Variants in USP32 observed in about 807,000 individuals in gnomAD.
USP32 encodes ubiquitin specific peptidase 32.
Under a neutral mutation model 204.8 loss-of-function variants are expected in USP32, and 59 were observed. That is an observed-to-expected ratio of 0.29 (90% CI 0.23 to 0.36). USP32 has a LOEUF of 0.36. Ranked by LOEUF, USP32 falls within the 10% of genes least tolerant of loss-of-function variation. USP32 has a pLI of 1.00. For missense variants in USP32, 1,160 were observed against 1,946.4 expected, an observed-to-expected ratio of 0.60 and a Z score of 7.60; for synonymous variants, 517 against 678.4, an observed-to-expected ratio of 0.76 and a Z score of 3.70.
intron 5 of USP32, among the ~76,000 whole-genome samples, chr17:60,287,648 G>C (rs2087150833): frequency 6.6e-6 from 1 of 152,160 alleles, no homozygotes; most frequent in Admixed American, 6.5e-5. Flanking sequence ...CTTGATTTCA[G>C]CTGCTAAAAC....
chr17:60,377,116 G>A (rs2089560507), intron 1 of USP32, among the ~76,000 whole-genome samples: 1 of 151,964 alleles, frequency 6.6e-6, no homozygotes, highest in Non-Finnish European at 1.5e-5. Context: ...CTATATATAT[G>A]CCCATTAAGA....
chr17:60,262,127 A>G lies in USP32; in HGVS notation c.990+3285T>C, dbSNP rs952953590. ...GGACTACTGCTAAGCAAGGTATCATATGAACTTTTTCTAAAGCAAATTCAC... is the reference window on the plus strand; with the variant it reads ...GGACTACTGCTAAGCAAGGTATCATGTGAACTTTTTCTAAAGCAAATTCAC... On this transcript the variant is annotated intron_variant, in intron 9 of 33. Transcript: ENST00000300896. 1.3e-4 allele frequency among the ~76,000 whole-genome samples: 20 copies of G among 152,322 alleles called. 1 individual carries two copies. Among genetic ancestry groups the G allele is most frequent in the African/African-American group, 4.8e-4 (20 of 41,584 alleles).
intron 2 of USP32, among the ~76,000 whole-genome samples, chr17:60,330,990 T>C (rs1445966920): frequency 6.6e-6 from 1 of 152,198 alleles, no homozygotes; most frequent in Non-Finnish European, 1.5e-5. Context: ...AAGCTAGTCA[T>C]ATACCTAAAT....
chr17:60,276,460 C>T (rs1231802350), intron 5 of USP32, among the ~76,000 whole-genome samples: 1 of 152,108 alleles, frequency 6.6e-6, no homozygotes, highest in Non-Finnish European at 1.5e-5. Flanking sequence ...TTTCATTCCT[C>T]CAGAGAAACA....
At chr17:60,226,601 A>G (rs1258687004) in intron 12 of USP32, among the ~76,000 whole-genome samples, 3 of 152,186 alleles carry the variant, frequency 2.0e-5, no homozygotes, top group Non-Finnish European at 2.9e-5. Context: ...TAAAGATTAC[A>G]TGGTCAATGT....
intron 2 of USP32, among the ~76,000 whole-genome samples, chr17:60,316,598 TG>T: frequency 6.6e-6 from 1 of 152,192 alleles, no homozygotes. Flanking sequence ...CTCAACACTT[TG>T]GGAGGCTGAG....
At chr17:60,384,840 G>C (rs2089702400) in intron 1 of USP32, among the ~76,000 whole-genome samples, 1 of 152,070 alleles carries the variant, frequency 6.6e-6, no homozygotes. Context: ...GGGCGTGGTG[G>C]CTCACGCCTG....
intron 2 of USP32, among the ~76,000 whole-genome samples, chr17:60,317,415 C>G (rs541073191): frequency 6.6e-6 from 1 of 150,672 alleles, no homozygotes; most frequent in East Asian, 2.0e-4. Flanking sequence ...ACTCGGGAGG[C>G]TGAGCTGGGA....
intron 11 of USP32, among the ~76,000 whole-genome samples, chr17:60,244,109 C>A: frequency 7.1e-6 from 1 of 140,910 alleles, no homozygotes; most frequent in South Asian, 2.3e-4. Flanking sequence ...GATCTCGGCT[C>A]ACTGCAAGCC....
intron 5 of USP32, among the ~76,000 whole-genome samples, chr17:60,280,503 G>A (rs1004916664): frequency 6.6e-6 from 1 of 152,192 alleles, no homozygotes; most frequent in African/African-American, 2.4e-5. Context: ...ACGTGGCAGT[G>A]TGTTCAACTT....
At chr17:60,301,559 T>C (rs1354648882) in intron 3 of USP32, 40 bp downstream of exon 3, 3 of 1,290,946 alleles carry the variant, frequency 2.3e-6, no homozygotes, top group South Asian at 2.7e-5. Context: ...AATTATTCTG[T>C]ACATAGACGA....
intron 12 of USP32, 54 bp downstream of exon 12, chr17:60,236,084 C>T (rs2145636236): frequency 1.4e-6 from 2 of 1,425,396 alleles, no homozygotes; most frequent in Non-Finnish European, 2.0e-6. Flanking sequence ...GGCTGGAAGT[C>T]TCACGCAGCT....
chr17:60,301,629 T>G lies in USP32; in HGVS notation c.262A>C (p.Thr88Pro). The G allele has an allele frequency of 6.3e-7, 1 of 1,594,384 alleles. No individual in the cohort carries two copies. Among genetic ancestry groups the G allele is most frequent in the Non-Finnish European group, 8.5e-7 (1 of 1,175,172 alleles). The change falls in exon 3 of 34, where the codon ACA (threonine) becomes CCA (proline). Residue 88 changes from threonine to proline, a missense_variant. Transcript: ENST00000300896. ...GCTTTCTCTTCATCTTTGCCTCTTG[T>G]AAGGAGGACAAGTCCAACTATTAAA... Reference protein sequence around the residue: ...NNLIVGLVLLTRGKDEEKAKY... With the variant: ...NNLIVGLVLLPRGKDEEKAKY...
At chr17:60,232,604 T>C (rs995309542) in intron 12 of USP32, among the ~76,000 whole-genome samples, 14 of 150,336 alleles carry the variant, frequency 9.3e-5, no homozygotes, top group African/African-American at 3.5e-4. Context: ...TGGAGTGCAG[T>C]GGCATCATCT....
rs746307880 is a variant in USP32 at position 60,181,594 on chromosome 17, G to A, written c.4278C>T (p.Asn1426=). ...CCCCATTTTCTTTGCTGGCATCCAA[G>A]TTCTCTTTACTACTTGACAGTTTAT... The part of the protein sequence containing the change: ...SKNKLSSSKE[N]LDASKENGAG... The change falls in exon 32 of 34, where the codon AAC becomes AAT. Residue 1426 remains asparagine, a synonymous_variant. Transcript: ENST00000300896. 6.2e-7 allele frequency: 1 copy of A among 1,613,898 alleles called. No homozygotes were observed. The highest frequency in any genetic ancestry group is 1.3e-5 in the African/African-American group (1 of 74,942).
At chr17:60,210,608 A>C (rs565491832) in intron 21 of USP32, among the ~76,000 whole-genome samples, 19 of 152,318 alleles carry the variant, frequency 1.2e-4, no homozygotes, top group Middle Eastern at 3.4e-3. Context: ...CGCCCAGCCT[A>C]CTTCTTTGTA....
intron 12 of USP32, among the ~76,000 whole-genome samples, chr17:60,230,408 ATAT>A (rs2085514206): frequency 6.6e-6 from 1 of 152,226 alleles, no homozygotes; most frequent in African/African-American, 2.4e-5. Flanking sequence ...GATAATAAAA[ATAT>A]TACCAGGCAT....
At chr17:60,414,905 C>T (rs1264329461) in intron 1 of USP32, among the ~76,000 whole-genome samples, 1 of 149,694 alleles carries the variant, frequency 6.7e-6, no homozygotes, top group Non-Finnish European at 1.5e-5. Context: ...GGCTGGAGTG[C>T]AGTGGTGCAA....
intron 2 of USP32, among the ~76,000 whole-genome samples, chr17:60,327,782 C>T (rs1044112947): frequency 6.6e-6 from 1 of 152,346 alleles, no homozygotes; most frequent in East Asian, 1.9e-4. Context: ...CCTGGCCTCT[C>T]CCGACTCCCA....
Sources: gnomAD v4.1 joint callset for allele counts (sites outside exome capture counted in the v4.1 genomes callset) on GRCh38, gnomAD v4.1.1 for gene constraint, MANE v1.5 for transcripts, NCBI Gene and HGNC (gene_info 2026-07-23, HGNC 2026-07-21) for gene names.